MALRD1: variants seen among roughly 807,000 people sequenced by gnomAD.
MALRD1 encodes MAM and LDL-receptor class A domain-containing protein 1.
In MALRD1, 247 loss-of-function variants were observed where a neutral mutation model predicts 242.1. The observed-to-expected ratio is 1.02, with a 90% CI of 0.92 to 1.13. The LOEUF is 1.13. Among genes scored for constraint, MALRD1 ranks in the 50% most tolerant of loss-of-function variants. The pLI is 0.00. For synonymous variants in MALRD1, 995 were observed against 866.6 expected, an observed-to-expected ratio of 1.15 and a Z score of -2.60; for missense variants, 2,989 against 2,533.1, an observed-to-expected ratio of 1.18 and a Z score of -3.86.
intron 2 of MALRD1, among the ~76,000 whole-genome samples, chr10:19,082,257 C>A (rs890510294): frequency 2.0e-5 from 3 of 151,568 alleles, no homozygotes; most frequent in Admixed American, 6.6e-5. Flanking sequence ...TGGATTAATG[C>A]CAATGTAATT....
intron 28 of MALRD1, among the ~76,000 whole-genome samples, chr10:19,418,441 G>T (rs1432077237): frequency 6.6e-6 from 1 of 152,012 alleles, no homozygotes; most frequent in Non-Finnish European, 1.5e-5. Context: ...TGAGATTAAG[G>T]TTTTATTCAT....
At chr10:19,403,620 A>G (rs1846962022) in intron 28 of MALRD1, among the ~76,000 whole-genome samples, 1 of 152,114 alleles carries the variant, frequency 6.6e-6, no homozygotes, top group Admixed American at 6.6e-5. Context: ...TAATATTTTT[A>G]TGTGAATTCA....
At chr10:19,196,450 A>G (rs947538146) in intron 14 of MALRD1, among the ~76,000 whole-genome samples, 13 of 151,898 alleles carry the variant, frequency 8.6e-5, no homozygotes, top group Admixed American at 2.0e-4. Context: ...CCTATTCTCA[A>G]TCTTCATTTG....
chr10:19,438,930 C>G (rs1453559022), intron 28 of MALRD1, among the ~76,000 whole-genome samples: 1 of 152,126 alleles, frequency 6.6e-6, no homozygotes, highest in Non-Finnish European at 1.5e-5. Flanking sequence ...TACCGTTCAT[C>G]CAAGATTCAC....
At chr10:19,105,379 A>G (rs1300823702) in intron 5 of MALRD1, among the ~76,000 whole-genome samples, 2 of 152,006 alleles carry the variant, frequency 1.3e-5, no homozygotes, top group African/African-American at 4.8e-5. Flanking sequence ...ATCCTATTGC[A>G]TGTATGTTAC....
At chr10:19,246,606 T>C (rs981882411) in intron 18 of MALRD1, among the ~76,000 whole-genome samples, 8 of 151,974 alleles carry the variant, frequency 5.3e-5, no homozygotes, top group African/African-American at 1.9e-4. Context: ...GACATCAGAG[T>C]ACAAGAACAA....
chr10:19,180,271 G>A (rs893302360), intron 14 of MALRD1, among the ~76,000 whole-genome samples: 1 of 152,166 alleles, frequency 6.6e-6, no homozygotes, highest in Admixed American at 6.5e-5. Context: ...ATTGCTGAGT[G>A]CTAATACATT....
intron 26 of MALRD1, among the ~76,000 whole-genome samples, chr10:19,366,425 A>G (rs1262659876): frequency 6.6e-6 from 1 of 152,120 alleles, no homozygotes; most frequent in African/African-American, 2.4e-5. Context: ...CTGTAAATAC[A>G]GATGAAGCTT....
intron 36 of MALRD1, among the ~76,000 whole-genome samples, chr10:19,616,147 T>A (rs1171560111): frequency 1.3e-5 from 2 of 152,008 alleles, no homozygotes; most frequent in Non-Finnish European, 2.9e-5. Context: ...TTTTCAACAT[T>A]TTATATGTGT....
chr10:19,389,382 A>C, intron 27 of MALRD1, 70 bp from the exon 28 acceptor site: 1 of 1,465,756 alleles, frequency 6.8e-7, no homozygotes, highest in South Asian at 1.2e-5. Context: ...GACCCTAACT[A>C]TGATGGAAAT....
chr10:19,686,520 C>G (rs1842589360), intron 36 of MALRD1, among the ~76,000 whole-genome samples: 1 of 152,144 alleles, frequency 6.6e-6, no homozygotes, highest in African/African-American at 2.4e-5. Context: ...CTCCTGAGAT[C>G]TTATTAGGAA....
chr10:19,418,992 C>T (rs75902575), intron 28 of MALRD1, among the ~76,000 whole-genome samples: 2,803 of 152,198 alleles, frequency 0.018, 97 homozygotes, highest in African/African-American at 0.064. Context: ...GGAGCACATA[C>T]GTGATCATTT....
rs573949913 is a variant in MALRD1 at position 19,531,530 on chromosome 10, C to G, written c.5478+179C>G. On this transcript the variant is annotated intron_variant, in intron 32 of 39. Coordinates refer to ENST00000454679, the MANE Select transcript of MALRD1 (RefSeq NM_001142308.3). ...AAGCTGTGCTGTCATTCATCTTAATCTCATTCAAGATTTATCTCACTGACG... is the reference window on the plus strand; with the variant it reads ...AAGCTGTGCTGTCATTCATCTTAATGTCATTCAAGATTTATCTCACTGACG... Among the ~76,000 whole-genome samples, 10 of 152,278 alleles carry G rather than the reference C, an allele frequency of 6.6e-5. No individual in the cohort carries two copies. The South Asian group carries it at 1.7e-3, about 25-fold the overall frequency.
chr10:19,468,256 C>T (rs1836321523), intron 29 of MALRD1, among the ~76,000 whole-genome samples: 1 of 152,162 alleles, frequency 6.6e-6, no homozygotes, highest in Non-Finnish European at 1.5e-5. Context: ...CTGATTATCA[C>T]AGACTCACAG....
At chr10:19,730,884 A>G (rs534043888) in intron 39 of MALRD1, 103 bp downstream of exon 39, 1 of 1,066,082 alleles carries the variant, frequency 9.4e-7, no homozygotes. Context: ...ATGTTTCTAC[A>G]TCATAACTAA....
At chr10:19,135,591 T>C (rs578118936) in intron 9 of MALRD1, among the ~76,000 whole-genome samples, 3 of 152,336 alleles carry the variant, frequency 2.0e-5, no homozygotes, top group African/African-American at 4.8e-5. Flanking sequence ...TTCTGCCTAA[T>C]GGAAATGCTT....
intron 28 of MALRD1, among the ~76,000 whole-genome samples, chr10:19,409,091 C>T (rs557053388): frequency 2.6e-5 from 4 of 152,260 alleles, no homozygotes; most frequent in East Asian, 3.9e-4. Flanking sequence ...AGATGGCCTT[C>T]AGTGAGTGAA....
intron 1 of MALRD1, among the ~76,000 whole-genome samples, chr10:19,055,908 T>C (rs1392531459): frequency 6.6e-6 from 1 of 152,040 alleles, no homozygotes; most frequent in Non-Finnish European, 1.5e-5. Context: ...TCTTATTACC[T>C]GGGTAGCAAA....
intron 26 of MALRD1, among the ~76,000 whole-genome samples, chr10:19,353,762 A>T (rs968983073): frequency 1.3e-5 from 2 of 152,216 alleles, no homozygotes; most frequent in African/African-American, 4.8e-5. Context: ...TTGATGGCAG[A>T]TATAGGTCTT....
Sources: allele counts gnomAD v4.1 joint callset (sites outside exome capture counted in the v4.1 genomes callset), GRCh38; gene constraint gnomAD v4.1.1; transcripts MANE v1.5; gene names NCBI Gene and HGNC (gene_info 2026-07-23, HGNC 2026-07-21).